Variants in SDHAF3 observed in about 807,000 individuals in gnomAD.
The protein encoded by SDHAF3 is succinate dehydrogenase assembly factor 3, mitochondrial.
SDHAF3 carries 18 observed loss-of-function variants against 11.5 expected under a neutral mutation model. The observed-to-expected ratio is 1.56, with a 90% CI of 1.08 to 2.32. The LOEUF (loss-of-function observed/expected upper bound fraction) is 2.32. SDHAF3 is among the 30% of genes most tolerant of loss of function. SDHAF3 has a pLI of 0.00. For missense variants in SDHAF3, 200 were observed against 154.4 expected, an observed-to-expected ratio of 1.30 and a Z score of -1.57; for synonymous variants, 72 against 59.3, an observed-to-expected ratio of 1.21 and a Z score of -0.99.
At chr7:97,117,924 C>G (rs979941754) in intron 1 of SDHAF3, 27 bp downstream of exon 1, 19 of 1,610,178 alleles carry the variant, frequency 1.2e-5, no homozygotes, top group African/African-American at 2.7e-5. Context: ...TCTCTTTGCC[C>G]AAGACCTTTG....
At chr7:97,178,290 G>C (rs1367095344) in intron 1 of SDHAF3, among the ~76,000 whole-genome samples, 1 of 152,126 alleles carries the variant, frequency 6.6e-6, no homozygotes, top group East Asian at 1.9e-4. Context: ...TTGTTTATCT[G>C]CTTGCTGGTG....
chr7:97,167,106 G>A (rs1267008856), intron 1 of SDHAF3, among the ~76,000 whole-genome samples: 9 of 150,784 alleles, frequency 6.0e-5, no homozygotes, highest in South Asian at 2.1e-4. Context: ...GTGGATTTAC[G>A]TGTAACCACC....
chr7:97,152,031 C>A (rs1422974739), intron 1 of SDHAF3, among the ~76,000 whole-genome samples: 2 of 152,124 alleles, frequency 1.3e-5, no homozygotes, highest in Non-Finnish European at 2.9e-5. Flanking sequence ...TGTTTTCTTA[C>A]TTTCTGTGAG....
intron 1 of SDHAF3, among the ~76,000 whole-genome samples, chr7:97,171,694 C>A (rs1210376014): frequency 6.6e-6 from 1 of 151,984 alleles, no homozygotes; most frequent in African/African-American, 2.4e-5. Flanking sequence ...GCCTAGGCTA[C>A]ATGCTTTTCT....
At chr7:97,125,552 A>G (rs1395520697) in intron 1 of SDHAF3, among the ~76,000 whole-genome samples, 2 of 151,958 alleles carry the variant, frequency 1.3e-5, no homozygotes, top group Non-Finnish European at 2.9e-5. Flanking sequence ...TTTTTCTCTA[A>G]TATTGTCTCC....
intron 1 of SDHAF3, among the ~76,000 whole-genome samples, chr7:97,168,603 A>C (rs1789552449): frequency 6.6e-6 from 1 of 152,136 alleles, no homozygotes; most frequent in South Asian, 2.1e-4. Flanking sequence ...TGGGTTTTAT[A>C]ACACCTTAAT....
At chr7:97,167,022 T>C (rs1428256688) in intron 1 of SDHAF3, among the ~76,000 whole-genome samples, 1 of 150,460 alleles carries the variant, frequency 6.6e-6, no homozygotes, top group African/African-American at 2.4e-5. Context: ...CAATGCTTGA[T>C]AAAATTTTAC....
chr7:97,142,852 G>A (rs1789073402), intron 1 of SDHAF3: 1 of 147,102 alleles, frequency 6.8e-6, no homozygotes, highest in African/African-American at 2.5e-5. Flanking sequence ...CTCTCAGGAA[G>A]AAGGAGCAAC....
intron 1 of SDHAF3, among the ~76,000 whole-genome samples, chr7:97,121,818 AAGAAACAGT>A (rs1440895125): frequency 6.6e-6 from 1 of 151,908 alleles, no homozygotes; most frequent in Non-Finnish European, 1.5e-5. Context: ...GCATCGAGGT[AAGAAACAGT>A]ATGAGGTTTT....
chr7:97,161,375 C>T (rs1304306563), intron 1 of SDHAF3, among the ~76,000 whole-genome samples: 1 of 152,128 alleles, frequency 6.6e-6, no homozygotes, highest in Non-Finnish European at 1.5e-5. Context: ...CAATTAGCTG[C>T]TGTTTGGTTG....
At chr7:97,179,723 C>G (rs891621437) in intron 1 of SDHAF3, among the ~76,000 whole-genome samples, 2 of 151,976 alleles carry the variant, frequency 1.3e-5, no homozygotes, top group African/African-American at 4.8e-5. Context: ...CCCCTACCCC[C>G]CCTACACACA....
chr7:97,153,269 TC>T (rs1224553213), intron 1 of SDHAF3, among the ~76,000 whole-genome samples: 1 of 152,262 alleles, frequency 6.6e-6, no homozygotes, highest in African/African-American at 2.4e-5. Context: ...TTTTGCCTTT[TC>T]TGGCGTGTTA....
Position 97,157,896 on chromosome 7 carries a change from TAGG to T in SDHAF3, c.175-23115_175-23113del, listed in dbSNP as rs1789328790. ...ACCAAACACCGCATGTTCTCACTCATAGGTGGGAATTGAACAATGAGAACACAT... is the reference window on the plus strand; with the variant it reads ...ACCAAACACCGCATGTTCTCACTCATTGGGAATTGAACAATGAGAACACAT... On this transcript the variant is annotated intron_variant, in intron 1 of 1. Coordinates refer to ENST00000432641, the MANE Select transcript of SDHAF3 (RefSeq NM_020186.3). 3.0e-5 allele frequency among the ~76,000 whole-genome samples: 4 copies of T among 132,534 alleles called. No homozygotes were observed. The Admixed American group carries it at 3.6e-4, about 12-fold the overall frequency. 86.9% of individuals were successfully genotyped at this position (132,534 alleles called of 152,430 possible).
chr7:97,138,998 C>T (rs1788976594), intron 1 of SDHAF3, among the ~76,000 whole-genome samples: 1 of 152,208 alleles, frequency 6.6e-6, no homozygotes, highest in African/African-American at 2.4e-5. Context: ...GTTCCCCAGC[C>T]TGCCTGTGCT....
At position 97,134,690 on chromosome 7, in the gene SDHAF3, G is replaced by A. The variant is rs565540612; in HGVS notation, c.174+16793G>A. On this transcript the variant is annotated intron_variant, in intron 1 of 1. Transcript: ENST00000432641. ...TTGAACTCCTGACCTCAGATGACCC[G>A]TCTGCCTTGGCCTCCCAAAGTGCTG... Among the ~76,000 whole-genome samples, 76 of 152,262 alleles carry A rather than the reference G, an allele frequency of 5.0e-4. 2 individuals carry two copies. In the South Asian group the frequency reaches 0.015, roughly 30 times the overall value.
At position 97,181,054 on chromosome 7, in the gene SDHAF3, C is replaced by G; in HGVS notation, c.217C>G (p.Gln73Glu). The change falls in exon 2 of 2, where the codon CAA becomes GAA. Residue 73 changes from glutamine to glutamate, a missense_variant. By Grantham distance (29) the Gln-to-Glu change is conservative. Transcript: ENST00000432641. The part of the protein sequence containing the change: ...ALLQQANENR[Q>E]NSTGKACFGT... ...ATTGCAACAGGCTAACGAAAACAGA[C>G]AAAATTCAACTGGAAAAGCATGTTT... The G allele has an allele frequency of 6.2e-7, 1 of 1,613,862 alleles. No individual in the cohort carries two copies.
At chr7:97,156,885 A>G (rs1395294293) in intron 1 of SDHAF3, among the ~76,000 whole-genome samples, 2 of 152,152 alleles carry the variant, frequency 1.3e-5, no homozygotes, top group Non-Finnish European at 2.9e-5. Flanking sequence ...GGTTTGTTAC[A>G]CAGGTATACA....
intron 1 of SDHAF3, among the ~76,000 whole-genome samples, chr7:97,159,403 A>C (rs1003169280): frequency 9.2e-5 from 14 of 152,108 alleles, no homozygotes; most frequent in African/African-American, 3.1e-4. Flanking sequence ...TTTCCTCCCA[A>C]GTTTTTTGGT....
intron 1 of SDHAF3, among the ~76,000 whole-genome samples, chr7:97,135,975 C>A (rs1249968832): frequency 6.6e-6 from 1 of 151,978 alleles, no homozygotes; most frequent in East Asian, 1.9e-4. Flanking sequence ...GTGTGAGCCA[C>A]CATGCCCGGG....
Sources: allele counts gnomAD v4.1 joint callset (sites outside exome capture counted in the v4.1 genomes callset), GRCh38; gene constraint gnomAD v4.1.1; transcripts MANE v1.5; gene names NCBI Gene and HGNC (gene_info 2026-07-23, HGNC 2026-07-21).